Variants in ACBD3 observed in about 807,000 individuals in gnomAD.
ACBD3 encodes the protein Golgi resident protein GCP60.
In ACBD3, 30 loss-of-function variants were observed where a neutral mutation model predicts 66.9. The observed-to-expected ratio is 0.45, with a 90% CI of 0.34 to 0.61. ACBD3 has a LOEUF of 0.61. Among genes scored for constraint, ACBD3 ranks in the 20% least tolerant of loss-of-function variants. ACBD3 has a pLI of 0.02. For synonymous variants in ACBD3, 278 were observed against 259.8 expected (o/e 1.07, Z -0.68); for missense variants, 544 against 664.5 (o/e 0.82, Z 1.99).
chr1:226,174,034 G>A (rs2102787595), intron 1 of ACBD3, among the ~76,000 whole-genome samples: 1 of 152,004 alleles, frequency 6.6e-6, no homozygotes, highest in Non-Finnish European at 1.5e-5. Context: ...GAAGACCTGG[G>A]ATTACAGTGT....
chr1:226,169,846 A>G (rs1659956436), intron 1 of ACBD3, among the ~76,000 whole-genome samples: 1 of 151,314 alleles, frequency 6.6e-6, no homozygotes, highest in Admixed American at 6.6e-5. Flanking sequence ...ACATGGCAAA[A>G]CCCTCTCTCT....
chr1:226,186,556 T>C lies in ACBD3; in HGVS notation c.120A>G (p.Pro40=). The C allele has an allele frequency of 7.4e-7, 1 of 1,359,906 alleles. No individual in the cohort carries two copies. The allele number at this position is 1,359,906 out of a possible 1,614,324, so 84.2% of individuals were successfully genotyped here. ...GACCGGATCCAGGTGGCGAGGGCGG[T>C]GGCAGCGGTGGCGGCAGCAGCGGGG... The part of the protein sequence containing the change: ...EGAPLLPPPL[P]PPSPPGSGRG... Residue 40 remains proline (P), a synonymous_variant, in exon 1 of 8, where the codon CCA becomes CCG. Transcript: ENST00000366812.
intron 3 of ACBD3, among the ~76,000 whole-genome samples, chr1:226,162,611 G>C (rs1021127866): frequency 6.6e-6 from 1 of 152,066 alleles, no homozygotes; most frequent in Non-Finnish European, 1.5e-5. Flanking sequence ...GAGTGGTATG[G>C]TGTTCAGGGA....
At position 226,146,284 on chromosome 1, in the gene ACBD3, T is replaced by A. The variant is rs1274868177; in HGVS notation, c.*326A>T. On this transcript the variant is annotated 3_prime_UTR_variant, in exon 8 of 8. Transcript: ENST00000366812. ...GGAGCAGGCAGCAAGGGGCTAACCA[T>A]CAGCCGGGTAAGGTCAACGTTGGGG... The A allele has an allele frequency of 4.3e-6, 1 of 231,506 alleles. No homozygotes were observed. The allele number at this position is 231,506 out of a possible 1,614,324, so 14.3% of individuals were successfully genotyped here.
chr1:226,170,084 T>C (rs941596806), intron 1 of ACBD3, among the ~76,000 whole-genome samples: 10 of 144,776 alleles, frequency 6.9e-5, no homozygotes, highest in Non-Finnish European at 1.5e-4. Context: ...TAAAAGAACA[T>C]ATGCTGCCAA....
At chr1:226,164,714 A>G in intron 3 of ACBD3, 75 bp downstream of exon 3, 1 of 1,448,774 alleles carries the variant, frequency 6.9e-7, no homozygotes, top group African/African-American at 1.4e-5. Context: ...GAACTAGAAC[A>G]GACACTCTAC....
chr1:226,155,063 A>C, intron 5 of ACBD3: 1 of 323,146 alleles, frequency 3.1e-6, no homozygotes, highest in East Asian at 4.8e-5. Flanking sequence ...TGTGGACAAA[A>C]ACCTGCAACT....
rs1039298227 is a variant in ACBD3 at position 226,145,957 on chromosome 1, C to T, written c.*653G>A. ...GAAGAAAAATCTCTGAGGTGTTCTA[C>T]GTATCTTGATACTTCAATTATCAAT... On this transcript the variant is annotated 3_prime_UTR_variant, in exon 8 of 8. Transcript: ENST00000366812. 9 of 152,526 alleles carry T rather than the reference C, an allele frequency of 5.9e-5. No individual in the cohort carries two copies. The highest frequency in any genetic ancestry group is 2.2e-4 in the African/African-American group (9 of 41,430). The allele number at this position is 152,526 out of a possible 1,614,324, so 9.4% of individuals were successfully genotyped here.
At chr1:226,170,748 T>C (rs1317511543) in intron 1 of ACBD3, among the ~76,000 whole-genome samples, 22 of 152,252 alleles carry the variant, frequency 1.4e-4, no homozygotes, top group Admixed American at 1.3e-4. Flanking sequence ...GGTTTTCTAC[T>C]AATGGAGGGA....
chr1:226,183,984 A>C (rs978893757), intron 1 of ACBD3, among the ~76,000 whole-genome samples: 1 of 151,764 alleles, frequency 6.6e-6, no homozygotes, highest in African/African-American at 2.4e-5. Flanking sequence ...GAGGTCAGGA[A>C]ATCGAGACCA....
chr1:226,167,872 A>C (rs1659904897), intron 1 of ACBD3, among the ~76,000 whole-genome samples: 1 of 152,234 alleles, frequency 6.6e-6, no homozygotes. Flanking sequence ...AGCATTAGAT[A>C]CCAAGACCCC....
At chr1:226,154,077 C>CT (rs1443433980) in intron 6 of ACBD3, among the ~76,000 whole-genome samples, 12 of 152,220 alleles carry the variant, frequency 7.9e-5, no homozygotes, top group African/African-American at 2.9e-4. Context: ...GCATCAACAT[C>CT]TTGACTGCAA....
intron 1 of ACBD3, among the ~76,000 whole-genome samples, chr1:226,183,702 T>C (rs368467618): frequency 2.8e-4 from 42 of 151,732 alleles, no homozygotes; most frequent in African/African-American, 9.0e-4. Flanking sequence ...GAGACCAGCA[T>C]GGAGAAACCC....
chr1:226,166,445 T>G (rs1176697076), intron 1 of ACBD3, among the ~76,000 whole-genome samples: 3 of 151,734 alleles, frequency 2.0e-5, no homozygotes, highest in Admixed American at 2.0e-4. Flanking sequence ...TACTACATTT[T>G]ATTAATAACA....
intron 4 of ACBD3, among the ~76,000 whole-genome samples, chr1:226,161,289 C>A (rs1659768693): frequency 6.6e-6 from 1 of 152,044 alleles, no homozygotes; most frequent in African/African-American, 2.4e-5. Context: ...CAGGCATATG[C>A]CACTGCGCCC....
At chr1:226,149,786 T>A (rs1203952738) in intron 7 of ACBD3, among the ~76,000 whole-genome samples, 2 of 151,316 alleles carry the variant, frequency 1.3e-5, no homozygotes, top group African/African-American at 2.4e-5. Flanking sequence ...TAGCAATCCA[T>A]CCGCTTTGGC....
At chr1:226,150,366 C>G (rs1659546747) in intron 7 of ACBD3, among the ~76,000 whole-genome samples, 1 of 151,996 alleles carries the variant, frequency 6.6e-6, no homozygotes, top group African/African-American at 2.4e-5. Context: ...AGATACCATG[C>G]CCAGACAGGC....
At chr1:226,171,742 T>C (rs562567554) in intron 1 of ACBD3, among the ~76,000 whole-genome samples, 2 of 147,076 alleles carry the variant, frequency 1.4e-5, no homozygotes, top group Non-Finnish European at 3.0e-5. Context: ...TTCACCATGT[T>C]GGGTTGGCCA....
chr1:226,147,273 C>T (rs1264661533), intron 7 of ACBD3, among the ~76,000 whole-genome samples: 1 of 152,090 alleles, frequency 6.6e-6, no homozygotes, highest in Non-Finnish European at 1.5e-5. Context: ...TTTATTAGTT[C>T]GTTCATTCAT....
Sources: gnomAD v4.1 joint callset for allele counts (sites outside exome capture counted in the v4.1 genomes callset) on GRCh38, gnomAD v4.1.1 for gene constraint, MANE v1.5 for transcripts, NCBI Gene and HGNC (gene_info 2026-07-23, HGNC 2026-07-21) for gene names.